The following CSNK1A1 variants were observed in gnomAD, a reference collection of about 807,000 sequenced individuals.
CSNK1A1 encodes casein kinase 1 alpha 1, also known as casein kinase I isoform alpha.
In CSNK1A1, 7 loss-of-function variants were observed where a neutral mutation model predicts 46.1. The observed-to-expected ratio is 0.15, with a 90% CI of 0.09 to 0.29. The LOEUF (loss-of-function observed/expected upper bound fraction) is 0.29, where lower values mean the gene tolerates loss of function less well. CSNK1A1 is among the 10% of genes least tolerant of loss of function. The pLI is 1.00. For synonymous variants in CSNK1A1, 137 were observed against 141.5 expected (o/e 0.97, Z 0.23); for missense variants, 96 against 417.1 (o/e 0.23, Z 6.71).
At chr5:149,498,593 TAAACAGA>T in intron 9 of CSNK1A1, 1 of 981,394 alleles carries the variant, frequency 1.0e-6, no homozygotes, top group Non-Finnish European at 1.2e-6. Context: ...AAACAGAAAT[TAAACAGA>T]TTAAACAGGA....
rs1760618389 is a variant in CSNK1A1, at chr5:149,495,229, GA to G, written c.*1623del. The G allele has an allele frequency of 6.6e-6, 1 of 151,976 alleles. No homozygotes were observed. The highest frequency in any genetic ancestry group is 2.4e-5 in the African/African-American group (1 of 41,366). 9.4% of individuals were successfully genotyped at this position (151,976 alleles called of 1,614,324 possible). On this transcript the variant is annotated 3_prime_UTR_variant, in exon 10 of 10. Transcript: ENST00000377843. ...GTTTTCAAATAAAAAAAAGAAAAAA[GA>G]AAACAAAACAAATTAAACTTGACAC...
At position 149,549,220 on chromosome 5, in the gene CSNK1A1, T is replaced by C; in HGVS notation, c.230+855A>G. ...TGATTAAGATTTTTTTAAATACAAC[T>C]GATATGAGTAAATTTTAACATAGTT... On this transcript the variant is annotated intron_variant, in intron 2 of 9. Transcript: ENST00000377843. 6.5e-6 allele frequency: 3 copies of C among 460,854 alleles called. No homozygotes were observed. The East Asian group carries it at 9.5e-5, about 15-fold the overall frequency. 28.5% of individuals were successfully genotyped at this position (460,854 alleles called of 1,614,324 possible).
At chr5:149,501,139 T>C (rs1418515876) in intron 9 of CSNK1A1, 3 of 985,312 alleles carry the variant, frequency 3.0e-6, no homozygotes, top group South Asian at 4.7e-5. Flanking sequence ...ATCTAACAAG[T>C]TGCAGAATTT....
In CSNK1A1 at chr5:149,495,849, C is replaced by T. The variant is rs957403997; in HGVS notation, c.*1004G>A. On this transcript the variant is annotated 3_prime_UTR_variant, in exon 10 of 10. Coordinates refer to ENST00000377843, the MANE Select transcript of CSNK1A1 (RefSeq NM_001892.6). ...TAAAAAAAGAGGAAAAGTTATAACA[C>T]GAAACCTAAATTGACTTGCAAAGGA... 4 of 150,870 alleles carry T rather than the reference C, an allele frequency of 2.7e-5. No individual in the cohort carries two copies. Among genetic ancestry groups the T allele is most frequent in the Non-Finnish European group, 3.0e-5 (2 of 67,768 alleles). The allele number at this position is 150,870 out of a possible 1,614,324, so 9.3% of individuals were successfully genotyped here. A position where few individuals can be genotyped will look rare whatever the true frequency, so the allele number is the denominator to read the frequency against.
intron 2 of CSNK1A1, among the ~76,000 whole-genome samples, chr5:149,547,870 GTGTTTTT>G (rs1762528625): frequency 6.8e-6 from 1 of 147,870 alleles, no homozygotes; most frequent in African/African-American, 2.5e-5. Flanking sequence ...TTTTTTTGTT[GTGTTTTT>G]TTGTGTTTTT....
chr5:149,508,300 T>C (rs953001808), intron 7 of CSNK1A1, among the ~76,000 whole-genome samples: 1 of 152,192 alleles, frequency 6.6e-6, no homozygotes, highest in Non-Finnish European at 1.5e-5. Flanking sequence ...ATAATACATA[T>C]TATACATCTT....
Position 149,495,743 on chromosome 5 carries a change from A to AT in CSNK1A1, c.*1109dup, listed in dbSNP as rs1205839273. 5.5e-5 allele frequency: 7 copies of AT among 126,836 alleles called. No homozygotes were observed. Among genetic ancestry groups the AT allele is most frequent in the African/African-American group, 1.2e-4 (4 of 32,338 alleles). 7.9% of individuals were successfully genotyped at this position (126,836 alleles called of 1,614,324 possible). A position where few individuals can be genotyped will look rare whatever the true frequency, so the allele number is the denominator to read the frequency against. On this transcript the variant is annotated 3_prime_UTR_variant, in exon 10 of 10. Transcript: ENST00000377843. ...GTACTAGATATTGTGCCTGCAAGTC[A>AT]TAAAAAAAAAAAAAAAAAAAGAAAA...
chr5:149,528,116 T>C (rs1256525293), intron 2 of CSNK1A1, among the ~76,000 whole-genome samples: 1 of 152,160 alleles, frequency 6.6e-6, no homozygotes, highest in East Asian at 1.9e-4. Flanking sequence ...CCTTAATAGT[T>C]AGAAACTGGG....
intron 6 of CSNK1A1, 77 bp from the exon 7 acceptor site, chr5:149,510,030 T>C (rs1344222357): frequency 1.2e-5 from 11 of 901,026 alleles, no homozygotes; most frequent in Non-Finnish European, 1.7e-5. Context: ...GCACTAGACA[T>C]ATAAACATAT....
chr5:149,520,123 C>T (rs1053401890), intron 4 of CSNK1A1, among the ~76,000 whole-genome samples, 167 bp downstream of exon 4: 2 of 152,134 alleles, frequency 1.3e-5, no homozygotes, highest in Non-Finnish European at 2.9e-5. Flanking sequence ...TTTCAAGTTA[C>T]TAAGTTAATG....
chr5:149,496,807 G>A lies in CSNK1A1; in HGVS notation c.*46C>T. 6.4e-7 allele frequency: 1 copy of A among 1,553,302 alleles called. No homozygotes were observed. The highest frequency in any genetic ancestry group is 8.7e-7 in the Non-Finnish European group (1 of 1,150,194). ...TTTCTAGATTTGGGGAGAAACAAATGCTGCTCCGATCATCTGCTCTGCTTC... is the reference window on the plus strand; with the variant it reads ...TTTCTAGATTTGGGGAGAAACAAATACTGCTCCGATCATCTGCTCTGCTTC... On this transcript the variant is annotated 3_prime_UTR_variant, in exon 10 of 10. Transcript: ENST00000377843.
chr5:149,516,379 A>T (rs1233239879), intron 4 of CSNK1A1, among the ~76,000 whole-genome samples: 1 of 152,086 alleles, frequency 6.6e-6, no homozygotes, highest in Non-Finnish European at 1.5e-5. Flanking sequence ...AAAAACCAAA[A>T]AAAGTAGGGG....
intron 2 of CSNK1A1, among the ~76,000 whole-genome samples, chr5:149,539,505 T>C (rs147105185): frequency 6.6e-6 from 1 of 151,698 alleles, no homozygotes; most frequent in East Asian, 1.9e-4. Context: ...TATAGCCTTA[T>C]TAGGTTGTAA....
rs1554118044 is a variant in CSNK1A1, at chr5:149,544,737, T to TATATATATATA, written c.230+5337_230+5338insTATATATATAT. Among the ~76,000 whole-genome samples, 121 of 80,804 alleles carry TATATATATATA rather than the reference T, an allele frequency of 1.5e-3. 8 individuals carry two copies. The highest frequency in any genetic ancestry group is 5.3e-3 in the African/African-American group (81 of 15,332). The allele number at this position is 80,804 out of a possible 152,430, so 53.0% of individuals were successfully genotyped here. ...GTGAGGATGATGAGGGTAAAGAGCTTTATATATATATATATATATATATAT... is the reference window on the plus strand; with the variant it reads ...GTGAGGATGATGAGGGTAAAGAGCTTATATATATATATATATATATATATATATATATATAT... On this transcript the variant is annotated intron_variant, in intron 2 of 9. Coordinates refer to ENST00000377843, the MANE Select transcript of CSNK1A1 (RefSeq NM_001892.6).
intron 9 of CSNK1A1, chr5:149,505,154 G>T: frequency 3.8e-6 from 4 of 1,057,278 alleles, no homozygotes; most frequent in Non-Finnish European, 4.6e-6. Flanking sequence ...GGGGGTTAAT[G>T]AATGAGTAAA....
intron 2 of CSNK1A1, chr5:149,545,773 T>G: frequency 1.6e-6 from 1 of 619,668 alleles, no homozygotes; most frequent in South Asian, 1.6e-5. Context: ...ACTGGTTGTG[T>G]GTGGTGTGGT....
intron 7 of CSNK1A1, among the ~76,000 whole-genome samples, 190 bp downstream of exon 7, chr5:149,509,689 C>A (rs1047586816): frequency 6.6e-6 from 1 of 152,052 alleles, no homozygotes; most frequent in Non-Finnish European, 1.5e-5. Context: ...CAGGCTTGAG[C>A]CACTGTGCCC....
intron 3 of CSNK1A1, among the ~76,000 whole-genome samples, chr5:149,522,232 T>G (rs528475380): frequency 6.6e-5 from 10 of 152,114 alleles, no homozygotes; most frequent in Admixed American, 6.6e-4. Context: ...CTCAGCCCCC[T>G]GAGAAGCTGG....
chr5:149,498,397 GTAT>G, intron 9 of CSNK1A1: 1 of 985,336 alleles, frequency 1.0e-6, no homozygotes, highest in Non-Finnish European at 1.2e-6. Flanking sequence ...TTATTAAGAA[GTAT>G]TAGCGAGGTA....
Sources: gnomAD v4.1 joint callset for allele counts (sites outside exome capture counted in the v4.1 genomes callset) on GRCh38, gnomAD v4.1.1 for gene constraint, MANE v1.5 for transcripts, NCBI Gene and HGNC (gene_info 2026-07-23, HGNC 2026-07-21) for gene names.